The following CREB5 variants were observed in gnomAD, a reference collection of about 807,000 sequenced individuals.
CREB5 encodes cyclic AMP-responsive element-binding protein 5.
CREB5 carries 19 observed loss-of-function variants against 57.1 expected under a neutral mutation model. The observed-to-expected ratio is 0.33, with a 90% CI of 0.23 to 0.49. The LOEUF (loss-of-function observed/expected upper bound fraction) is 0.49, where lower values mean the gene tolerates loss of function less well. Ranked by LOEUF, CREB5 falls within the 20% of genes least tolerant of loss-of-function variation. CREB5 has a pLI of 0.99. For missense variants in CREB5, 579 were observed against 671.6 expected (o/e 0.86, Z 1.52); for synonymous variants, 238 against 238.3 (o/e 1.00, Z 0.01).
intron 4 of CREB5, among the ~76,000 whole-genome samples, chr7:28,531,173 T>A (rs1186182891): frequency 6.6e-6 from 1 of 152,054 alleles, no homozygotes. Flanking sequence ...GTCTCTAGGT[T>A]TTTTTTTCTT....
At chr7:28,784,749 A>T (rs1326469504) in intron 7 of CREB5, among the ~76,000 whole-genome samples, 2 of 152,108 alleles carry the variant, frequency 1.3e-5, no homozygotes, top group African/African-American at 2.4e-5. Flanking sequence ...GTGGTTGATG[A>T]GCGAAACGAA....
chr7:28,342,577 C>T (rs1001895101), intron 1 of CREB5, among the ~76,000 whole-genome samples: 1 of 152,172 alleles, frequency 6.6e-6, no homozygotes, highest in Admixed American at 6.5e-5. Context: ...GATTATAAAA[C>T]ATAAGATTTC....
chr7:28,787,631 T>G (rs1354054382), intron 7 of CREB5, among the ~76,000 whole-genome samples: 1 of 152,232 alleles, frequency 6.6e-6, no homozygotes, highest in Non-Finnish European at 1.5e-5. Context: ...CAGGCTGCAC[T>G]GCAGCCTCGA....
chr7:28,570,217 C>A, intron 4 of CREB5, 148 bp from the exon 5 acceptor site: 3 of 715,382 alleles, frequency 4.2e-6, no homozygotes, highest in South Asian at 4.4e-5. Flanking sequence ...TATGTTATAA[C>A]AAGATGAATG....
chr7:28,777,160 T>C (rs1415017292), intron 7 of CREB5, among the ~76,000 whole-genome samples: 1 of 152,216 alleles, frequency 6.6e-6, no homozygotes, highest in Non-Finnish European at 1.5e-5. Flanking sequence ...ACACAGTAGA[T>C]TCTTACAAGG....
intron 7 of CREB5, among the ~76,000 whole-genome samples, chr7:28,769,063 A>T (rs1806165756): frequency 6.6e-6 from 1 of 152,240 alleles, no homozygotes; most frequent in Non-Finnish European, 1.5e-5. Context: ...AAGGAAACAC[A>T]TTTATTTGGG....
chr7:28,581,317 G>A (rs1360175088), intron 5 of CREB5, among the ~76,000 whole-genome samples: 1 of 152,128 alleles, frequency 6.6e-6, no homozygotes, highest in Non-Finnish European at 1.5e-5. Flanking sequence ...CCTTCTTTAG[G>A]GATCTCAGAG....
intron 1 of CREB5, among the ~76,000 whole-genome samples, chr7:28,445,791 T>C (rs1179155197): frequency 6.6e-6 from 1 of 151,670 alleles, no homozygotes; most frequent in Non-Finnish European, 1.5e-5. Context: ...GACCTCATGA[T>C]CCGCCTGCCT....
At chr7:28,721,618 A>G (rs1803036081) in intron 6 of CREB5, among the ~76,000 whole-genome samples, 1 of 152,160 alleles carries the variant, frequency 6.6e-6, no homozygotes, top group South Asian at 2.1e-4. Context: ...CACACATTTT[A>G]TGAAGTCTAG....
upstream of CREB5, chr7:28,410,223 G>C: frequency 2.2e-6 from 1 of 454,034 alleles, no homozygotes; most frequent in Non-Finnish European, 4.4e-6. Context: ...CTCCGGGCTG[G>C]AGAGCGGCGA....
intron 4 of CREB5, among the ~76,000 whole-genome samples, chr7:28,560,871 T>TGTGTGTGCGTGTGTGTGC (rs1795122895): frequency 1.3e-4 from 5 of 38,010 alleles, no homozygotes; most frequent in Non-Finnish European, 2.5e-4. Flanking sequence ...TGTGCCTGCG[T>TGTGTGTGCGTGTGTGTGC]GCGCGTGCGT....
At chr7:28,495,607 C>T (rs77871341) in intron 3 of CREB5, among the ~76,000 whole-genome samples, 2,356 of 151,898 alleles carry the variant, frequency 0.016, 42 homozygotes, top group African/African-American at 0.041. Flanking sequence ...CATCTATGCA[C>T]GCTGCACTGT....
chr7:28,333,312 T>C (rs1055710823), intron 1 of CREB5, among the ~76,000 whole-genome samples: 1 of 152,240 alleles, frequency 6.6e-6, no homozygotes, highest in Admixed American at 6.5e-5. Context: ...ATGAGATGTT[T>C]TGATATAGTC....
chr7:28,728,385 A>G (rs557722779), intron 7 of CREB5, among the ~76,000 whole-genome samples: 8 of 152,378 alleles, frequency 5.3e-5, no homozygotes, highest in East Asian at 3.9e-4. Context: ...GGATAAAAAT[A>G]TCATATGGCT....
intron 4 of CREB5, among the ~76,000 whole-genome samples, chr7:28,552,236 C>T (rs1480815920): frequency 2.6e-5 from 4 of 152,284 alleles, no homozygotes; most frequent in Non-Finnish European, 5.9e-5. Context: ...CGGGGTTTTG[C>T]CATGTTGCCC....
At chr7:28,583,297 GATCA>G (rs1485373877) in intron 5 of CREB5, among the ~76,000 whole-genome samples, 1 of 152,226 alleles carries the variant, frequency 6.6e-6, no homozygotes, top group Non-Finnish European at 1.5e-5. Flanking sequence ...CCATCTTAAA[GATCA>G]ATTTCCGGGA....
At chr7:28,781,318 A>T (rs1806958741) in intron 7 of CREB5, among the ~76,000 whole-genome samples, 1 of 152,244 alleles carries the variant, frequency 6.6e-6, no homozygotes, top group Admixed American at 6.5e-5. Context: ...GGAAATTATA[A>T]GTCTTGCTTG....
intron 1 of CREB5, among the ~76,000 whole-genome samples, chr7:28,446,889 T>C (rs1233345161): frequency 1.3e-5 from 2 of 152,224 alleles, no homozygotes; most frequent in Non-Finnish European, 2.9e-5. Flanking sequence ...GAGCCTACCA[T>C]ATGCTAGATT....
intron 1 of CREB5, among the ~76,000 whole-genome samples, chr7:28,397,788 A>C (rs371427037): frequency 2.0e-5 from 3 of 152,146 alleles, no homozygotes; most frequent in Admixed American, 6.5e-5. Flanking sequence ...TCATTTAATC[A>C]TGACAACCCT....
Sources: gnomAD v4.1 joint callset for allele counts (sites outside exome capture counted in the v4.1 genomes callset) on GRCh38, gnomAD v4.1.1 for gene constraint, MANE v1.5 for transcripts, NCBI Gene and HGNC (gene_info 2026-07-23, HGNC 2026-07-21) for gene names.